The following PTPRO variants were observed in gnomAD, a reference collection of about 807,000 sequenced individuals.
PTPRO encodes the protein receptor-type tyrosine-protein phosphatase O.
Under a neutral mutation model 145.2 loss-of-function variants are expected in PTPRO, and 62 were observed. The ratio of observed to expected loss-of-function variants is 0.43; its 90% CI spans 0.35 to 0.53. The LOEUF (loss-of-function observed/expected upper bound fraction) is 0.53, where lower values mean the gene tolerates loss of function less well. Ranked by LOEUF, PTPRO falls within the 20% of genes least tolerant of loss-of-function variation. PTPRO has a pLI of 0.01. For missense variants in PTPRO, 1,345 were observed against 1,482.7 expected (o/e 0.91, Z 1.53); for synonymous variants, 565 against 514.7 (o/e 1.10, Z -1.32).
chr12:15,353,239 G>A (rs549859375), intron 1 of PTPRO, among the ~76,000 whole-genome samples: 5 of 151,606 alleles, frequency 3.3e-5, no homozygotes, highest in African/African-American at 4.8e-5. Flanking sequence ...CCACACACAC[G>A]TAAGAGGACT....
chr12:15,440,972 A>G (rs930448114), intron 1 of PTPRO, among the ~76,000 whole-genome samples: 2 of 152,164 alleles, frequency 1.3e-5, no homozygotes. Flanking sequence ...GCAAACTAAC[A>G]AAGAAACTCT....
intron 1 of PTPRO, among the ~76,000 whole-genome samples, chr12:15,351,011 A>G (rs553326021): frequency 6.6e-6 from 1 of 152,292 alleles, no homozygotes; most frequent in Admixed American, 6.5e-5. Context: ...CTTGAAAAAC[A>G]AAATGGAAAC....
chr12:15,447,674 C>T (rs1940935487), intron 1 of PTPRO, among the ~76,000 whole-genome samples: 1 of 152,046 alleles, frequency 6.6e-6, no homozygotes, highest in Non-Finnish European at 1.5e-5. Context: ...AATCCTATGC[C>T]CCATAGCTAT....
intron 1 of PTPRO, among the ~76,000 whole-genome samples, chr12:15,438,754 GA>G (rs937460082): frequency 2.6e-5 from 4 of 151,806 alleles, no homozygotes; most frequent in African/African-American, 9.7e-5. Context: ...GAGAGAGAAG[GA>G]AAAAAACAAA....
intron 1 of PTPRO, among the ~76,000 whole-genome samples, chr12:15,360,102 C>T (rs1385381898): frequency 6.6e-6 from 1 of 152,196 alleles, no homozygotes; most frequent in Non-Finnish European, 1.5e-5. Context: ...GGGCCCTTCC[C>T]TCTATTGTGC....
At position 15,594,965 on chromosome 12, in the gene PTPRO, T is replaced by G. The variant is rs776571111; in HGVS notation, c.3575T>G (p.Val1192Gly). The G allele has an allele frequency of 1.9e-6, 3 of 1,613,598 alleles. No individual in the cohort carries two copies. The highest frequency in any genetic ancestry group is 1.7e-6 in the Non-Finnish European group (2 of 1,179,590). The change falls in exon 26 of 27, where the codon GTG becomes GGG. Residue 1192 changes from valine (V) to glycine (G), a missense_variant. Val to Gly is a moderately radical substitution (Grantham distance 109). Around this residue, in one of 3 missense-constraint regions of PTPRO, gnomAD observed 208 missense variants for 242.8 expected, o/e 0.86. Transcript: ENST00000281171. ...CAGTACATTTTTATCCATCAGTGTG[T>G]GCAACTGATGTGGATGAAGAAGAAG... is the stretch of plus-strand genomic sequence containing the variant. ...EEQYIFIHQC[V>G]QLMWMKKKQQ...
Position 15,322,818 on chromosome 12 carries a change from AC to A in PTPRO, c.75+21del. 1 of 1,608,254 alleles carries A rather than the reference AC, an allele frequency of 6.2e-7. No individual in the cohort carries two copies. Among genetic ancestry groups the A allele is most frequent in the Non-Finnish European group, 8.5e-7 (1 of 1,177,898 alleles). ...CTGTTCAAGGTAGGGGAGCTCCTCC[AC>A]CCCTTTTTCCCAGCGGTCCGGGCGG... On this transcript the variant is annotated intron_variant, in intron 1 of 26. Coordinates refer to ENST00000281171, the MANE Select transcript of PTPRO (RefSeq NM_030667.3). The surrounding 1 kb of genome is among the most constrained non-coding windows in gnomAD (Gnocchi z 6.3).
intron 1 of PTPRO, among the ~76,000 whole-genome samples, chr12:15,368,081 T>C (rs572803214): frequency 1.4e-4 from 21 of 152,334 alleles, no homozygotes; most frequent in Non-Finnish European, 2.5e-4. Context: ...TCAGGGGAAA[T>C]GTCACTACAA....
intron 14 of PTPRO, among the ~76,000 whole-genome samples, chr12:15,550,706 G>A (rs1344317338): frequency 6.6e-6 from 1 of 152,146 alleles, no homozygotes; most frequent in Non-Finnish European, 1.5e-5. Flanking sequence ...AATGGGAAGT[G>A]GTAAATACCC....
chr12:15,580,947 T>G (rs1944298596), intron 22 of PTPRO, 116 bp downstream of exon 22: 3 of 1,386,390 alleles, frequency 2.2e-6, no homozygotes, highest in Non-Finnish European at 3.0e-6. Flanking sequence ...AATCGCTAAA[T>G]TTAAAACATT....
At chr12:15,436,564 C>T (rs1377381898) in intron 1 of PTPRO, among the ~76,000 whole-genome samples, 1 of 152,156 alleles carries the variant, frequency 6.6e-6, no homozygotes. Flanking sequence ...AGAGAGAGCA[C>T]TTTGCTTCTC....
chr12:15,595,051 C>G lies in PTPRO; in HGVS notation c.*10C>G, dbSNP rs200743664. The stretch of plus-strand genomic sequence containing the variant: ...TGTTAGCAAGTCCTAGTTCAGAATC[C>G]GGAGCAGTAAGTGGAGAAGAGCTCT... On this transcript the variant is annotated 3_prime_UTR_variant, in exon 26 of 27. Coordinates refer to ENST00000281171, the MANE Select transcript of PTPRO (RefSeq NM_030667.3). The G allele has an allele frequency of 1.6e-5, 25 of 1,601,292 alleles. No homozygotes were observed. Among genetic ancestry groups the G allele is most frequent in the South Asian group, 3.3e-5 (3 of 90,794 alleles).
Position 15,380,196 on chromosome 12 carries a change from T to A in PTPRO, c.75+57395T>A, listed in dbSNP as rs188440689. On this transcript the variant is annotated intron_variant, in intron 1 of 26. Coordinates refer to ENST00000281171, the MANE Select transcript of PTPRO (RefSeq NM_030667.3). Reference sequence around the variant, plus strand: ...ATACATCACAGGGGTTTTGAGAGAATGTATTAAGTAATGGCACACTTTAGA... The same window carrying A: ...ATACATCACAGGGGTTTTGAGAGAAAGTATTAAGTAATGGCACACTTTAGA... Among the ~76,000 whole-genome samples, 227 of 152,266 alleles carry A rather than the reference T, an allele frequency of 1.5e-3. 1 individual carries two copies. In the Middle Eastern group the frequency reaches 0.02, roughly 14 times the overall value.
intron 25 of PTPRO, among the ~76,000 whole-genome samples, chr12:15,594,434 T>C (rs1482715248): frequency 6.6e-6 from 1 of 151,906 alleles, no homozygotes; most frequent in Non-Finnish European, 1.5e-5. Context: ...ATGGTGAACA[T>C]AGTTCATAAT....
At chr12:15,384,820 G>A (rs550433916) in intron 1 of PTPRO, among the ~76,000 whole-genome samples, 32 of 152,188 alleles carry the variant, frequency 2.1e-4, no homozygotes, top group Non-Finnish European at 2.6e-4. Flanking sequence ...ATATTTCTGC[G>A]TGCAAAAAAT....
chr12:15,499,333 G>T, intron 3 of PTPRO, 109 bp from the exon 4 acceptor site: 1 of 1,140,038 alleles, frequency 8.8e-7, no homozygotes, highest in South Asian at 1.3e-5. Flanking sequence ...AACAGTAGTT[G>T]AAGGAAATAT....
chr12:15,342,162 A>G (rs1326045054), intron 1 of PTPRO, among the ~76,000 whole-genome samples: 1 of 152,180 alleles, frequency 6.6e-6, no homozygotes, highest in Non-Finnish European at 1.5e-5. Context: ...TGCCATACCC[A>G]AGTGCACTTT....
chr12:15,546,289 A>G (rs1943286726), intron 12 of PTPRO: 8 of 1,186,944 alleles, frequency 6.7e-6, no homozygotes, highest in Admixed American at 4.1e-5. Context: ...ATGACACAGA[A>G]ACTATTAATA....
intron 1 of PTPRO, among the ~76,000 whole-genome samples, chr12:15,370,437 T>C (rs1269967362): frequency 6.6e-6 from 1 of 152,148 alleles, no homozygotes; most frequent in Non-Finnish European, 1.5e-5. Context: ...AACTGTAAAA[T>C]AATTAAAAGG....
Sources: allele counts gnomAD v4.1 joint callset (sites outside exome capture counted in the v4.1 genomes callset), GRCh38; gene constraint gnomAD v4.1.1; regional missense constraint gnomAD v4.1.1; non-coding constraint Gnocchi (gnomAD v3.1); transcripts MANE v1.5; gene names NCBI Gene and HGNC (gene_info 2026-07-23, HGNC 2026-07-21).